FREM2: variants seen among roughly 807,000 people sequenced by gnomAD.
FREM2 encodes the protein FRAS1-related extracellular matrix protein 2.
A neutral mutation model predicts 219.9 loss-of-function variants in FREM2; 119 were observed. The ratio of observed to expected loss-of-function variants is 0.54; its 90% confidence interval spans 0.47 to 0.63. The LOEUF (loss-of-function observed/expected upper bound fraction) is 0.63. Ranked by LOEUF, FREM2 falls within the 30% of genes least tolerant of loss-of-function variation. The probability of loss-of-function intolerance (pLI) is 0.00; values close to 1 mark genes in which losing one functional copy is unlikely to be tolerated. For synonymous variants in FREM2, 1,562 were observed against 1,522.8 expected, an observed-to-expected ratio of 1.03 and a Z score of -0.60; for missense variants, 4,030 against 3,993.6, an observed-to-expected ratio of 1.01 and a Z score of -0.25.
chr13:38,842,775 GGA>G (rs1273515606), intron 6 of FREM2, among the ~76,000 whole-genome samples: 1 of 152,122 alleles, frequency 6.6e-6, no homozygotes, highest in East Asian at 1.9e-4. Flanking sequence ...TTTCCCTCTG[GGA>G]AAGAACTTAA....
chr13:38,823,614 C>T (rs1444580144), intron 6 of FREM2, among the ~76,000 whole-genome samples: 1 of 151,986 alleles, frequency 6.6e-6, no homozygotes, highest in Non-Finnish European at 1.5e-5. Flanking sequence ...CCCTCTCTAC[C>T]TCCTCATTCA....
intron 6 of FREM2, among the ~76,000 whole-genome samples, chr13:38,828,257 A>G (rs1410979043): frequency 2.6e-5 from 4 of 152,100 alleles, no homozygotes; most frequent in Non-Finnish European, 2.9e-5. Context: ...TTGTACCTCA[A>G]AGGTTGTTAG....
At position 38,872,811 on chromosome 13, in the gene FREM2, C is replaced by G; in HGVS notation, c.8053C>G (p.Pro2685Ala). The G allele has an allele frequency of 6.2e-7, 1 of 1,614,002 alleles. No individual in the cohort carries two copies. Among genetic ancestry groups the G allele is most frequent in the Non-Finnish European group, 8.5e-7 (1 of 1,179,934 alleles). ...GTATGTTTCCTACGTGTTCCATTCC[C>G]CCGTGGGGGTAGGAGGCTGGCAGCA... ...PLYVSYVFHS[P>A]VGVGGWQHFD... is the part of the protein sequence containing the mutation. Residue 2685 changes from proline to alanine, a missense_variant, in exon 17 of 24, where the codon CCC becomes GCC. Pro to Ala is a conservative substitution (Grantham distance 27). Transcript: ENST00000280481.
chr13:38,872,311 T>C (rs1344495416), intron 16 of FREM2, among the ~76,000 whole-genome samples: 1 of 152,226 alleles, frequency 6.6e-6, no homozygotes, highest in African/African-American at 2.4e-5. Context: ...GGGTGACTGC[T>C]AATAAGTACA....
At position 38,688,438 on chromosome 13, in the gene FREM2, C is replaced by T. The variant is rs1291957872; in HGVS notation, c.1094C>T (p.Pro365Leu). Residue 365 changes from proline to leucine, a missense_variant, in exon 1 of 24, where the codon CCT (proline) becomes CTT (leucine). This residue lies in a region of FREM2 where 3,102 missense variants were observed against 2,950.7 expected (regional missense o/e 1.05). Transcript: ENST00000280481. Reference sequence around the variant, plus strand: ...TTCAACCTTACTTCTCCATTCCAGCCTGGCCAGGGCTACTTGGTGAGCACC... The same window carrying T: ...TTCAACCTTACTTCTCCATTCCAGCTTGGCCAGGGCTACTTGGTGAGCACC... ...LIFNLTSPFQ[P>L]GQGYLVSTDD... 3 of 1,613,970 alleles carry T rather than the reference C, an allele frequency of 1.9e-6. No individual in the cohort carries two copies. Among genetic ancestry groups the T allele is most frequent in the Admixed American group, 1.7e-5 (1 of 60,002 alleles).
Position 38,692,368 on chromosome 13 carries a change from T to C in FREM2, c.5024T>C (p.Leu1675Ser). Reference protein sequence around the residue: ...STLRTLATGHLGFMITSKILK... With the variant: ...STLRTLATGHSGFMITSKILK... ...CTTCGCACTCTAGCCACTGGCCACTTGGGGTTCATGATCACAAGCAAAATA... is the reference window on the plus strand; with the variant it reads ...CTTCGCACTCTAGCCACTGGCCACTCGGGGTTCATGATCACAAGCAAAATA... The change falls in exon 1 of 24, where the codon TTG (leucine) becomes TCG (serine). Residue 1675 changes from leucine to serine, a missense_variant. Around this residue, in one of 2 missense-constraint regions of FREM2, gnomAD observed 3,102 missense variants for 2,950.7 expected, o/e 1.05. Transcript: ENST00000280481. 1 of 1,607,000 alleles carries C rather than the reference T, an allele frequency of 6.2e-7. No individual in the cohort carries two copies. Among genetic ancestry groups the C allele is most frequent in the Non-Finnish European group, 8.5e-7 (1 of 1,175,812 alleles).
At chr13:38,873,439 T>C (rs1878234524) in intron 17 of FREM2, among the ~76,000 whole-genome samples, 1 of 152,228 alleles carries the variant, frequency 6.6e-6, no homozygotes, top group Non-Finnish European at 1.5e-5. Flanking sequence ...GACTTAACTT[T>C]TTCTGAATGA....
intron 3 of FREM2, among the ~76,000 whole-genome samples, chr13:38,768,245 A>G (rs963094577): frequency 6.6e-6 from 1 of 152,060 alleles, no homozygotes; most frequent in Non-Finnish European, 1.5e-5. Flanking sequence ...CTATCACAAG[A>G]CTTTATTTTT....
At chr13:38,702,243 GATTGAAGT>G (rs1189480751) in intron 2 of FREM2, among the ~76,000 whole-genome samples, 3 of 151,980 alleles carry the variant, frequency 2.0e-5, no homozygotes, top group Non-Finnish European at 4.4e-5. Flanking sequence ...ATGTACTTAA[GATTGAAGT>G]ATTAACCACC....
intron 6 of FREM2, among the ~76,000 whole-genome samples, chr13:38,818,239 T>A (rs1463282760): frequency 6.6e-6 from 1 of 152,156 alleles, no homozygotes; most frequent in Non-Finnish European, 1.5e-5. Context: ...ATGCCCATGT[T>A]TATTGCAGCA....
In FREM2 at chr13:38,689,769, C is replaced by G. The variant is rs761047751; in HGVS notation, c.2425C>G (p.Arg809Gly). 1 of 1,613,166 alleles carries G rather than the reference C, an allele frequency of 6.2e-7. No homozygotes were observed. Among genetic ancestry groups the G allele is most frequent in the Middle Eastern group, 1.7e-4 (1 of 6,052 alleles). The change falls in exon 1 of 24, where the codon CGA becomes GGA. Residue 809 changes from arginine to glycine, a missense_variant. Physicochemically the swap from Arg to Gly is moderately radical, Grantham distance 125 (BLOSUM62 -2). Transcript: ENST00000280481. The part of the protein sequence containing the change: ...VAQFQFQVED[R>G]AGNVAPGTFT... ...CCAGTTCCAGTTCCAGGTGGAAGAC[C>G]GAGCTGGGAATGTGGCTCCAGGTAC...
chr13:38,757,538 G>C (rs1460618156), intron 2 of FREM2, among the ~76,000 whole-genome samples: 1 of 151,958 alleles, frequency 6.6e-6, no homozygotes, highest in South Asian at 2.1e-4. Flanking sequence ...CATGTGTGTC[G>C]TGGTGCTGTG....
chr13:38,717,756 G>A (rs111788084), intron 2 of FREM2, among the ~76,000 whole-genome samples: 2,276 of 152,226 alleles, frequency 0.015, 67 homozygotes, highest in African/African-American at 0.052. Context: ...AGAGGTAAGA[G>A]ATTTGGCTAG....
chr13:38,746,985 T>G lies in FREM2; in HGVS notation c.5264-17319T>G, dbSNP rs565267110. Among the ~76,000 whole-genome samples, 4 of 152,184 alleles carry G rather than the reference T, an allele frequency of 2.6e-5. No homozygotes were observed. In the East Asian group the frequency reaches 7.7e-4, roughly 29 times the overall value. On this transcript the variant is annotated intron_variant, in intron 2 of 23. Transcript: ENST00000280481. ...TGGAGCTTCCAAAGCCATCCAGATA[T>G]TCTAGTGCAGACCTTGCTCACAAGC...
chr13:38,806,101 T>A (rs1435457231), intron 6 of FREM2, among the ~76,000 whole-genome samples: 1 of 150,918 alleles, frequency 6.6e-6, no homozygotes, highest in African/African-American at 2.4e-5. Context: ...AGGAAAAAAA[T>A]GAACATTGTG....
chr13:38,844,913 T>A (rs1232536117), intron 6 of FREM2, among the ~76,000 whole-genome samples: 2 of 152,198 alleles, frequency 1.3e-5, no homozygotes, highest in Non-Finnish European at 2.9e-5. Flanking sequence ...TACCTCAGTG[T>A]GGGAAATGTC....
intron 7 of FREM2, 22 bp from the exon 8 acceptor site, chr13:38,848,439 T>C: frequency 6.4e-7 from 1 of 1,560,698 alleles, no homozygotes; most frequent in Non-Finnish European, 8.8e-7. Flanking sequence ...CCCAACTGAA[T>C]ATTTTTTTGT....
chr13:38,861,300 C>G, intron 14 of FREM2, 131 bp from the exon 15 acceptor site: 2 of 875,050 alleles, frequency 2.3e-6, no homozygotes, highest in Non-Finnish European at 1.8e-6. Flanking sequence ...GATGTACACT[C>G]TTAGCCATGC....
At chr13:38,759,537 A>G (rs1037548994) in intron 2 of FREM2, among the ~76,000 whole-genome samples, 14 of 152,160 alleles carry the variant, frequency 9.2e-5, no homozygotes, top group African/African-American at 3.1e-4. Context: ...AGGTCTTTTC[A>G]TCAAAACCTT....
Sources: allele counts gnomAD v4.1 joint callset (sites outside exome capture counted in the v4.1 genomes callset), GRCh38; gene constraint gnomAD v4.1.1; regional missense constraint gnomAD v4.1.1; transcripts MANE v1.5; gene names NCBI Gene and HGNC (gene_info 2026-07-23, HGNC 2026-07-21).